Variants in MAPKAPK2 observed in about 807,000 individuals in gnomAD.
MAPKAPK2 encodes MAPK activated protein kinase 2.
Under a neutral mutation model 48.8 loss-of-function variants are expected in MAPKAPK2, and 9 were observed. The observed-to-expected ratio is 0.18, with a 90% confidence interval of 0.11 to 0.32. The LOEUF is 0.32. MAPKAPK2 is among the 10% of genes least tolerant of loss of function. The probability of loss-of-function intolerance (pLI) is 1.00; values close to 1 mark genes in which losing one functional copy is unlikely to be tolerated. For missense variants in MAPKAPK2, 331 were observed against 498.3 expected, an observed-to-expected ratio of 0.66 and a Z score of 3.20; for synonymous variants, 202 against 190.6, an observed-to-expected ratio of 1.06 and a Z score of -0.49.
chr1:206,732,775 T>G lies in MAPKAPK2; in HGVS notation c.*57T>G. On this transcript the variant is annotated 3_prime_UTR_variant, in exon 10 of 10. Transcript: ENST00000367103. The surrounding 1 kb of genome is among the most constrained non-coding windows in gnomAD (Gnocchi z 4.4). ...AGCAATAACTCTCTACAGGAATATATTTTTTAAACGAAGAGACAGAACTGT... is the reference window on the plus strand; with the variant it reads ...AGCAATAACTCTCTACAGGAATATAGTTTTTAAACGAAGAGACAGAACTGT... The G allele has an allele frequency of 6.3e-7, 1 of 1,587,962 alleles. No homozygotes were observed. The highest frequency in any genetic ancestry group is 1.4e-5 in the African/African-American group (1 of 74,052).
intron 1 of MAPKAPK2, among the ~76,000 whole-genome samples, chr1:206,709,561 C>T (rs1673074783): frequency 6.6e-6 from 1 of 152,174 alleles, no homozygotes; most frequent in Admixed American, 6.5e-5. Context: ...AAAAATACCA[C>T]AAATCTAAGG....
intron 1 of MAPKAPK2, among the ~76,000 whole-genome samples, chr1:206,697,117 C>T (rs1180340215): frequency 6.6e-6 from 1 of 152,242 alleles, no homozygotes; most frequent in Admixed American, 6.5e-5. Context: ...TCCAAGGCCC[C>T]TCCTATTCCT....
chr1:206,691,070 C>G (rs1346762858), intron 1 of MAPKAPK2, among the ~76,000 whole-genome samples: 1 of 152,180 alleles, frequency 6.6e-6, no homozygotes, highest in Non-Finnish European at 1.5e-5. Context: ...GCAACCCACA[C>G]TTCATAGTAA....
intron 1 of MAPKAPK2, among the ~76,000 whole-genome samples, chr1:206,691,698 C>T (rs566578879): frequency 6.6e-6 from 1 of 152,118 alleles, no homozygotes; most frequent in African/African-American, 2.4e-5. Context: ...GCTCGAGCAG[C>T]TCCTGAGCAC....
At chr1:206,692,801 CTG>C (rs1222882882) in intron 1 of MAPKAPK2, among the ~76,000 whole-genome samples, 1 of 152,244 alleles carries the variant, frequency 6.6e-6, no homozygotes, top group Non-Finnish European at 1.5e-5. Context: ...CCAAGCATCT[CTG>C]TGGCCAGTGT....
rs782600274 is a variant in MAPKAPK2 at position 206,732,695 on chromosome 1, G to A, written c.1180G>A (p.Glu394Lys). Residue 394 changes from glutamate (E) to lysine (K), a missense_variant, in exon 10 of 10, where the codon GAG becomes AAG. Physicochemically the swap from Glu to Lys is moderately conservative, Grantham distance 56. Coordinates refer to ENST00000367103, the MANE Select transcript of MAPKAPK2 (RefSeq NM_032960.4). The surrounding 1 kb of genome is among the most constrained non-coding windows in gnomAD (Gnocchi z 4.4). ...LKRRKKARAL[E>K]AAALAH is the part of the protein sequence containing the mutation. ...GAGGCGGAAGAAAGCTCGGGCCCTG[G>A]AGGCTGCGGCTCTGGCCCACTGAGC... 1 of 1,614,192 alleles carries A rather than the reference G, an allele frequency of 6.2e-7. No individual in the cohort carries two copies. Among genetic ancestry groups the A allele is most frequent in the Admixed American group, 1.7e-5 (1 of 60,032 alleles).
chr1:206,710,333 G>A (rs782804260), intron 1 of MAPKAPK2, among the ~76,000 whole-genome samples: 14 of 152,200 alleles, frequency 9.2e-5, no homozygotes, highest in Non-Finnish European at 1.2e-4. Flanking sequence ...ATTGGTCACT[G>A]CCTATCTGTT....
intron 5 of MAPKAPK2, 68 bp from the exon 6 acceptor site, chr1:206,730,620 C>G: frequency 7.3e-7 from 1 of 1,371,302 alleles, no homozygotes. Context: ...GAGCATCTTT[C>G]ACAGAGAAAC....
At chr1:206,698,347 C>T (rs116499160) in intron 1 of MAPKAPK2, among the ~76,000 whole-genome samples, 299 of 152,264 alleles carry the variant, frequency 2.0e-3, no homozygotes, top group African/African-American at 6.9e-3. Context: ...TTGATCCTTC[C>T]AGCAGCTTAG....
chr1:206,731,442 G>A lies in MAPKAPK2; in HGVS notation c.892+180G>A. 1.6e-6 allele frequency: 2 copies of A among 1,287,758 alleles called. No individual in the cohort carries two copies. The highest frequency in any genetic ancestry group is 2.8e-5 in the South Asian group (2 of 71,196). 79.8% of individuals were successfully genotyped at this position (1,287,758 alleles called of 1,614,324 possible). ...CTTCATTTTGCCTGTGTGGAGGGCT[G>A]GAGGCAGGGCCAAGGCTGTGGGGCT... On this transcript the variant is annotated intron_variant, in intron 7 of 9. Transcript: ENST00000367103. The surrounding 1 kb of genome is among the most constrained non-coding windows in gnomAD (Gnocchi z 5.9).
intron 1 of MAPKAPK2, among the ~76,000 whole-genome samples, chr1:206,692,302 C>T (rs1553426416): frequency 6.6e-6 from 1 of 152,188 alleles, no homozygotes; most frequent in African/African-American, 2.4e-5. Context: ...GGGACTGATT[C>T]ACAGAGCTGA....
chr1:206,685,282 C>A lies in MAPKAPK2; in HGVS notation c.53C>A (p.Ala18Asp). The A allele has an allele frequency of 2.4e-6, 1 of 415,898 alleles. No individual in the cohort carries two copies. The highest frequency in any genetic ancestry group is 4.9e-5 in the South Asian group (1 of 20,472). The allele number at this position is 415,898 out of a possible 1,614,324, so 25.8% of individuals were successfully genotyped here. ...CCGCCGGTGCCGTTCCCCGCCCCGGCCCCGCCGCCGCAGCCCCCCACCCCT... is the reference window on the plus strand; with the variant it reads ...CCGCCGGTGCCGTTCCCCGCCCCGGACCCGCCGCCGCAGCCCCCCACCCCT... Reference protein sequence around the residue: ...QSPPVPFPAPAPPPQPPTPAL... With the variant: ...QSPPVPFPAPDPPPQPPTPAL... Residue 18 changes from alanine (A) to aspartate (D), a missense_variant, in exon 1 of 10, where the codon GCC becomes GAC. Ala to Asp is a moderately radical substitution (Grantham distance 126). Coordinates refer to ENST00000367103, the MANE Select transcript of MAPKAPK2 (RefSeq NM_032960.4).
chr1:206,726,597 T>G (rs1673709804), intron 1 of MAPKAPK2, among the ~76,000 whole-genome samples: 1 of 152,228 alleles, frequency 6.6e-6, no homozygotes, highest in Admixed American at 6.5e-5. Context: ...CTCTGCAAAG[T>G]CAGTCTGAGA....
At chr1:206,712,425 C>T (rs552456060) in intron 1 of MAPKAPK2, among the ~76,000 whole-genome samples, 1 of 152,212 alleles carries the variant, frequency 6.6e-6, no homozygotes, top group African/African-American at 2.4e-5. Context: ...AACCTTGGCT[C>T]TCATTCATGT....
intron 1 of MAPKAPK2, among the ~76,000 whole-genome samples, chr1:206,720,980 A>C (rs1673498630): frequency 6.6e-6 from 1 of 152,232 alleles, no homozygotes; most frequent in Middle Eastern, 3.2e-3. Flanking sequence ...TCTGTTACTT[A>C]TCTCTGGGCC....
chr1:206,710,743 C>T (rs56182515), intron 1 of MAPKAPK2, among the ~76,000 whole-genome samples: 7,998 of 152,228 alleles, frequency 0.053, 495 homozygotes, highest in African/African-American at 0.15. Context: ...AAGGATAAAA[C>T]GTTAGAAGCA....
intron 1 of MAPKAPK2, among the ~76,000 whole-genome samples, chr1:206,713,183 C>G (rs1673214241): frequency 6.6e-6 from 1 of 152,150 alleles, no homozygotes; most frequent in Admixed American, 6.5e-5. Flanking sequence ...TTTTATAAAT[C>G]CCACTGGTGA....
rs1371442969 is a variant in MAPKAPK2 at position 206,704,622 on chromosome 1, AT to A, written c.279+19115del. ...GTCCGTGGTGACATAAGCACACATG[AT>A]CTGCAGTCAAGGTTGACTTGAGGGT... is the stretch of plus-strand genomic sequence containing the variant. On this transcript the variant is annotated intron_variant, in intron 1 of 9. Coordinates refer to ENST00000367103, the MANE Select transcript of MAPKAPK2 (RefSeq NM_032960.4). The surrounding 1 kb of genome is among the most constrained non-coding windows in gnomAD (Gnocchi z 4.3). Among the ~76,000 whole-genome samples, 1 of 152,190 alleles carries A rather than the reference AT, an allele frequency of 6.6e-6. No individual in the cohort carries two copies. The highest frequency in any genetic ancestry group is 2.4e-5 in the African/African-American group (1 of 41,434).
At chr1:206,707,300 C>T (rs1198840090) in intron 1 of MAPKAPK2, among the ~76,000 whole-genome samples, 1 of 152,072 alleles carries the variant, frequency 6.6e-6, no homozygotes, top group Non-Finnish European at 1.5e-5. Flanking sequence ...AACTCCATCT[C>T]TCCCCCATGG....
Sources: gnomAD v4.1 joint callset for allele counts (sites outside exome capture counted in the v4.1 genomes callset) on GRCh38, gnomAD v4.1.1 for gene constraint, Gnocchi (gnomAD v3.1) non-coding constraint, MANE v1.5 for transcripts, NCBI Gene and HGNC (gene_info 2026-07-23, HGNC 2026-07-21) for gene names.